Variants in GRIP1 observed in about 807,000 individuals in gnomAD.
The protein encoded by GRIP1 is glutamate receptor interacting protein 1.
Under a neutral mutation model 129.9 loss-of-function variants are expected in GRIP1, and 45 were observed. The ratio of observed to expected loss-of-function variants is 0.35; its 90% CI spans 0.27 to 0.44. The LOEUF is 0.44. GRIP1 is among the 20% of genes least tolerant of loss of function. The pLI is 1.00. For synonymous variants in GRIP1, 530 were observed against 520.8 expected (o/e 1.02, Z -0.24); for missense variants, 1,196 against 1,396.8 (o/e 0.86, Z 2.29).
chr12:66,823,979 T>C (rs775692795), intron 1 of GRIP1, among the ~76,000 whole-genome samples: 73 of 152,158 alleles, frequency 4.8e-4, no homozygotes, highest in Middle Eastern at 3.2e-3. Flanking sequence ...CTAACTCTAT[T>C]AATAGCTCTA....
At chr12:66,956,127 T>A (rs1025428743) in intron 1 of GRIP1, among the ~76,000 whole-genome samples, 3 of 152,188 alleles carry the variant, frequency 2.0e-5, no homozygotes, top group Admixed American at 6.5e-5. Context: ...AAACTCGGCT[T>A]TTTTTGGGTT....
At chr12:67,004,193 A>T (rs2042594259) in intron 1 of GRIP1, among the ~76,000 whole-genome samples, 1 of 152,182 alleles carries the variant, frequency 6.6e-6, no homozygotes, top group Admixed American at 6.5e-5. Flanking sequence ...TTAGGACTTG[A>T]TCTCTTTGGG....
chr12:66,964,074 C>T (rs557531102), intron 1 of GRIP1, among the ~76,000 whole-genome samples: 1 of 152,246 alleles, frequency 6.6e-6, no homozygotes, highest in Non-Finnish European at 1.5e-5. Context: ...CCTCCACCGT[C>T]AACTTCAGCG....
At chr12:67,020,049 G>A (rs2042842733) in intron 1 of GRIP1, among the ~76,000 whole-genome samples, 1 of 152,090 alleles carries the variant, frequency 6.6e-6, no homozygotes. Flanking sequence ...CCCTCTAGAA[G>A]TTTGCTTTTT....
At chr12:67,053,671 C>CA (rs985445358) in intron 1 of GRIP1, among the ~76,000 whole-genome samples, 11 of 151,064 alleles carry the variant, frequency 7.3e-5, no homozygotes, top group South Asian at 2.1e-4. Flanking sequence ...TCTCTACTAA[C>CA]AAAAAAAATA....
At chr12:66,903,634 A>C (rs977166971) in intron 1 of GRIP1, among the ~76,000 whole-genome samples, 1 of 152,202 alleles carries the variant, frequency 6.6e-6, no homozygotes, top group African/African-American at 2.4e-5. Context: ...TCAAGTAATC[A>C]AAGAAAGATT....
chr12:66,654,651 G>A (rs748445321), intron 1 of GRIP1, among the ~76,000 whole-genome samples: 9 of 152,192 alleles, frequency 5.9e-5, no homozygotes, highest in Non-Finnish European at 1.2e-4. Flanking sequence ...GGTGTGATAA[G>A]CAAGGTGGTA....
At chr12:66,615,713 CA>C (rs1247595811) in intron 1 of GRIP1, among the ~76,000 whole-genome samples, 1 of 152,120 alleles carries the variant, frequency 6.6e-6, no homozygotes, top group Non-Finnish European at 1.5e-5. Context: ...GGTGTGATCT[CA>C]GTTCATTGCA....
intron 1 of GRIP1, among the ~76,000 whole-genome samples, chr12:66,639,635 A>G (rs2031744058): frequency 6.6e-6 from 1 of 152,232 alleles, no homozygotes; most frequent in African/African-American, 2.4e-5. Context: ...AATGATAAAT[A>G]ATCCAGCATA....
At chr12:66,869,039 A>G (rs548193505) in intron 1 of GRIP1, among the ~76,000 whole-genome samples, 1 of 152,222 alleles carries the variant, frequency 6.6e-6, no homozygotes, top group African/African-American at 2.4e-5. Context: ...TGCTCTAGAC[A>G]CACCATAGAA....
At chr12:66,629,634 T>C (rs1052421178) in intron 1 of GRIP1, among the ~76,000 whole-genome samples, 1 of 152,214 alleles carries the variant, frequency 6.6e-6, no homozygotes, top group African/African-American at 2.4e-5. Context: ...AGAACGTGGT[T>C]AATTATTAAA....
intron 1 of GRIP1, among the ~76,000 whole-genome samples, chr12:66,990,146 G>A (rs1048091417): frequency 5.9e-5 from 9 of 152,162 alleles, no homozygotes; most frequent in East Asian, 1.9e-4. Context: ...CTAGGGAGGT[G>A]GGATTTGTTC....
intron 1 of GRIP1, among the ~76,000 whole-genome samples, chr12:66,689,737 T>C (rs2034911405): frequency 6.6e-6 from 1 of 152,102 alleles, no homozygotes; most frequent in Admixed American, 6.5e-5. Flanking sequence ...TATTATTAAC[T>C]ATAGTCACCA....
intron 1 of GRIP1, among the ~76,000 whole-genome samples, chr12:66,946,905 G>T (rs531116503): frequency 6.6e-6 from 1 of 151,776 alleles, no homozygotes; most frequent in African/African-American, 2.4e-5. Flanking sequence ...TTAGCCAGGC[G>T]TGGTGGTTGG....
chr12:66,727,360 C>T (rs189696170), intron 1 of GRIP1, among the ~76,000 whole-genome samples: 1 of 152,188 alleles, frequency 6.6e-6, no homozygotes, highest in African/African-American at 2.4e-5. Flanking sequence ...AAAGACAGTT[C>T]TGAGGTGAGG....
intron 1 of GRIP1, among the ~76,000 whole-genome samples, chr12:66,628,923 G>C (rs535491732): frequency 2.7e-4 from 41 of 152,230 alleles, no homozygotes; most frequent in Middle Eastern, 6.8e-3. Flanking sequence ...AATTCCAAAA[G>C]GGCAGGGACT....
intron 1 of GRIP1, among the ~76,000 whole-genome samples, chr12:66,746,682 G>A (rs1289905438): frequency 1.3e-5 from 2 of 152,242 alleles, no homozygotes. Flanking sequence ...ACTTCCCTAT[G>A]ACTGAGCTTA....
rs187339301 is a variant in GRIP1, at chr12:67,012,294, C to T, written c.58+56756G>A. Among the ~76,000 whole-genome samples, 164 of 152,254 alleles carry T rather than the reference C, an allele frequency of 1.1e-3. 1 individual carries two copies. The highest frequency in any genetic ancestry group is 6.8e-3 in the Middle Eastern group (2 of 294). On this transcript the variant is annotated intron_variant, in intron 1 of 1. Transcript: ENST00000643019. ...GAACGTAAAAGCATTTCGTAAACCA[C>T]AAATAAAATGTGTGTTATTATCATT...
chr12:66,725,430 A>G (rs756520194), intron 1 of GRIP1, among the ~76,000 whole-genome samples: 13 of 152,236 alleles, frequency 8.5e-5, no homozygotes, highest in Non-Finnish European at 1.5e-4. Context: ...TTAACTTTAC[A>G]GTTTTTTGTT....
Sources: allele counts gnomAD v4.1 joint callset (sites outside exome capture counted in the v4.1 genomes callset), GRCh38; gene constraint gnomAD v4.1.1; transcripts MANE v1.5; gene names NCBI Gene and HGNC (gene_info 2026-07-23, HGNC 2026-07-21).